Variants in SP4 observed in about 807,000 individuals in gnomAD.
The protein encoded by SP4 is transcription factor Sp4.
SP4 carries 19 observed loss-of-function variants against 72.8 expected under a neutral mutation model. That is an observed-to-expected ratio of 0.26 (90% CI 0.18 to 0.38). The LOEUF (loss-of-function observed/expected upper bound fraction) is 0.38, where lower values mean the gene tolerates loss of function less well. Among genes scored for constraint, SP4 ranks in the 10% least tolerant of loss-of-function variants. The pLI is 1.00. For synonymous variants in SP4, 395 were observed against 333.1 expected (o/e 1.19, Z -2.02); for missense variants, 1,008 against 926.3 (o/e 1.09, Z -1.14).
In SP4 at chr7:21,430,464, T is replaced by TCAGACCATCCAGCAG; in HGVS notation, c.1303_1317dup (p.Thr435_Gln439dup). 6.2e-7 allele frequency: 1 copy of TCAGACCATCCAGCAG among 1,614,190 alleles called. No homozygotes were observed. Reference sequence around the variant, plus strand: ...TTCAACTCCAGTCAGGGCAGACGATTCAGACCATCCAGCAGCAGCCTTTAC... The same window carrying TCAGACCATCCAGCAG: ...TTCAACTCCAGTCAGGGCAGACGATTCAGACCATCCAGCAGCAGACCATCCAGCAGCAGCCTTTAC... On this transcript the variant is annotated inframe_insertion, in exon 3 of 6. Transcript: ENST00000222584.
chr7:21,507,531 C>T (rs1290080450), intron 5 of SP4, among the ~76,000 whole-genome samples: 4 of 152,142 alleles, frequency 2.6e-5, no homozygotes, highest in Non-Finnish European at 5.9e-5. Context: ...TTACTAGGCT[C>T]TTTTTCTTCT....
At chr7:21,472,580 A>C (rs1784381680) in intron 3 of SP4, among the ~76,000 whole-genome samples, 1 of 151,906 alleles carries the variant, frequency 6.6e-6, no homozygotes, top group Non-Finnish European at 1.5e-5. Flanking sequence ...GGTGTGAGCC[A>C]CTGCACCTGG....
intron 3 of SP4, among the ~76,000 whole-genome samples, chr7:21,459,129 G>GTTTTC (rs1783872823): frequency 6.6e-6 from 1 of 151,982 alleles, no homozygotes; most frequent in Non-Finnish European, 1.5e-5. Flanking sequence ...GTTTTGTTTT[G>GTTTTC]TTTTGTTTTG....
At chr7:21,480,986 C>A (rs774181127) in intron 4 of SP4, among the ~76,000 whole-genome samples, 2 of 152,148 alleles carry the variant, frequency 1.3e-5, no homozygotes, top group Admixed American at 6.5e-5. Context: ...TGAGTTACAA[C>A]CCTGCTTTAA....
intron 5 of SP4, among the ~76,000 whole-genome samples, chr7:21,487,896 CTGT>C (rs1784864620): frequency 6.6e-6 from 1 of 151,874 alleles, no homozygotes; most frequent in African/African-American, 2.4e-5. Flanking sequence ...GGGTCTCTGT[CTGT>C]CACCAGGCTG....
intron 3 of SP4, among the ~76,000 whole-genome samples, chr7:21,465,889 C>T (rs763421130): frequency 2.0e-5 from 3 of 152,076 alleles, no homozygotes; most frequent in Non-Finnish European, 4.4e-5. Context: ...TAATTAAGGC[C>T]CTTCCTGATC....
At position 21,436,738 on chromosome 7, in the gene SP4, T is replaced by C. The variant is rs372405791; in HGVS notation, c.1678+5895T>C. 5.9e-5 allele frequency among the ~76,000 whole-genome samples: 9 copies of C among 152,302 alleles called. 2 individuals are homozygous for C. Among genetic ancestry groups the C allele is most frequent in the East Asian group, 1.9e-4 (1 of 5,186 alleles). ...TTTTGCTACCTAGTGAAGGAGCAAA[T>C]TGTGGCAAAGGAAACCTGTTGAACC... On this transcript the variant is annotated intron_variant, in intron 3 of 5. Coordinates refer to ENST00000222584, the MANE Select transcript of SP4 (RefSeq NM_003112.5).
intron 5 of SP4, among the ~76,000 whole-genome samples, chr7:21,484,632 T>A (rs1301052946): frequency 6.6e-6 from 1 of 151,916 alleles, no homozygotes; most frequent in South Asian, 2.1e-4. Context: ...GTTGTTGATA[T>A]CTGTTTTAGA....
chr7:21,458,434 T>G (rs964073807), intron 3 of SP4, among the ~76,000 whole-genome samples: 6 of 152,180 alleles, frequency 3.9e-5, no homozygotes, highest in African/African-American at 1.4e-4. Context: ...TCCACCTGCC[T>G]CGGCCTCCCA....
Position 21,501,551 on chromosome 7 carries a change from G to T in SP4, c.2108-9471G>T, listed in dbSNP as rs192292905. Among the ~76,000 whole-genome samples, 458 of 152,232 alleles carry T rather than the reference G, an allele frequency of 3.0e-3. 3 individuals are homozygous for T. The highest frequency in any genetic ancestry group is 0.014 in the Middle Eastern group (4 of 294). On this transcript the variant is annotated intron_variant, in intron 5 of 5. Transcript: ENST00000222584. Reference sequence around the variant, plus strand: ...TCTGTGCTAGTCCCCCCACACAAGGGTTAATACAAAAATCCCACTGCTGTT... The same window carrying T: ...TCTGTGCTAGTCCCCCCACACAAGGTTTAATACAAAAATCCCACTGCTGTT...
chr7:21,469,565 G>A (rs901594494), intron 3 of SP4, among the ~76,000 whole-genome samples: 65 of 145,676 alleles, frequency 4.5e-4, no homozygotes, highest in African/African-American at 1.5e-3. Flanking sequence ...TTTTTGAGAC[G>A]GAGTCTTGCT....
chr7:21,429,047 C>CAT, intron 2 of SP4: 2 of 578,348 alleles, frequency 3.5e-6, no homozygotes, highest in Admixed American at 6.9e-5. Context: ...AGTTTAGGAA[C>CAT]ATAACACTTT....
intron 3 of SP4, among the ~76,000 whole-genome samples, chr7:21,432,299 A>G (rs1446821302): frequency 1.3e-5 from 2 of 152,176 alleles, no homozygotes; most frequent in African/African-American, 4.8e-5. Flanking sequence ...AACTTGCTTT[A>G]TTTCTACTCC....
At chr7:21,502,255 G>T (rs1049682456) in intron 5 of SP4, among the ~76,000 whole-genome samples, 7 of 152,074 alleles carry the variant, frequency 4.6e-5, no homozygotes, top group African/African-American at 1.7e-4. Flanking sequence ...CCAGACATCA[G>T]CCGTGGTGTA....
intron 3 of SP4, among the ~76,000 whole-genome samples, chr7:21,460,154 G>C (rs573342447): frequency 1.3e-5 from 2 of 152,352 alleles, no homozygotes; most frequent in South Asian, 4.1e-4. Flanking sequence ...AGTGTGTCCG[G>C]AATTGGTGGG....
chr7:21,433,352 G>T (rs975278333), intron 3 of SP4, among the ~76,000 whole-genome samples: 32 of 152,156 alleles, frequency 2.1e-4, no homozygotes, highest in African/African-American at 7.7e-4. Flanking sequence ...TGTCGATGTT[G>T]TTTATGTTCT....
intron 2 of SP4, 44 bp downstream of exon 2, chr7:21,428,836 A>G (rs1454563938): frequency 2.1e-6 from 3 of 1,418,218 alleles, no homozygotes; most frequent in East Asian, 5.0e-5. Context: ...ACACATTAGG[A>G]GAGAGAGGGA....
intron 5 of SP4, 42 bp downstream of exon 5, chr7:21,482,165 A>G (rs746861164): frequency 3.3e-6 from 5 of 1,492,996 alleles, no homozygotes; most frequent in Non-Finnish European, 4.6e-6. Flanking sequence ...TTATTTCTTC[A>G]GTTTTTACAT....
chr7:21,499,028 C>T (rs1052254527), intron 5 of SP4, among the ~76,000 whole-genome samples: 6 of 145,786 alleles, frequency 4.1e-5, no homozygotes, highest in South Asian at 2.2e-4. Flanking sequence ...TACAGTGAGC[C>T]GAGATCACGC....
Sources: allele counts gnomAD v4.1 joint callset (sites outside exome capture counted in the v4.1 genomes callset), GRCh38; gene constraint gnomAD v4.1.1; transcripts MANE v1.5; gene names NCBI Gene and HGNC (gene_info 2026-07-23, HGNC 2026-07-21).